Variants in IL6ST observed in about 807,000 individuals in gnomAD.
The protein encoded by IL6ST is interleukin 6 cytokine family signal transducer.
Under a neutral mutation model 91.3 loss-of-function variants are expected in IL6ST, and 24 were observed. That is an observed-to-expected ratio of 0.26 (90% confidence interval 0.19 to 0.37). The LOEUF is 0.37. Ranked by LOEUF, IL6ST falls within the 10% of genes least tolerant of loss-of-function variation. IL6ST has a pLI of 1.00. For synonymous variants in IL6ST, 351 were observed against 373.6 expected (o/e 0.94, Z 0.70); for missense variants, 914 against 1,078.5 (o/e 0.85, Z 2.14).
chr5:55,983,556 A>T (rs1753787273), intron 1 of IL6ST, among the ~76,000 whole-genome samples: 1 of 152,254 alleles, frequency 6.6e-6, no homozygotes, highest in South Asian at 2.1e-4. Context: ...AAATACAACA[A>T]GTAACTTCAA....
At chr5:55,969,414 T>A (rs1752827142) in intron 4 of IL6ST, 136 bp downstream of exon 4, 2 of 606,162 alleles carry the variant, frequency 3.3e-6, no homozygotes, top group East Asian at 5.6e-5. Context: ...ACTTCTAAGC[T>A]TATTTTTTAA....
In IL6ST at chr5:55,972,924, G is replaced by A. The variant is rs377048355; in HGVS notation, c.65-3069C>T. ...GGAGGCTGAGGCAGGAGAATTGCTT[G>A]AACCTGGGGGGCAGAGGTTGCAGTG... On this transcript the variant is annotated intron_variant, in intron 3 of 16. Transcript: ENST00000381298. 2.3e-4 allele frequency among the ~76,000 whole-genome samples: 35 copies of A among 151,710 alleles called. No homozygotes were observed. The East Asian group carries it at 6.8e-3, about 30-fold the overall frequency.
At chr5:55,945,642 C>A (rs1216921572) in intron 15 of IL6ST, among the ~76,000 whole-genome samples, 2 of 98,014 alleles carry the variant, frequency 2.0e-5, no homozygotes, top group Admixed American at 2.4e-4. Flanking sequence ...AAATAAAAAA[C>A]TTATGCTTTT....
chr5:55,958,839 CA>C (rs58625180), intron 8 of IL6ST, among the ~76,000 whole-genome samples: 199 of 88,984 alleles, frequency 2.2e-3, no homozygotes, highest in Admixed American at 2.9e-3. Flanking sequence ...GCACTATTTC[CA>C]AAAAAAAAAA....
At chr5:55,979,342 G>A (rs1220934540) in intron 2 of IL6ST, among the ~76,000 whole-genome samples, 2 of 152,192 alleles carry the variant, frequency 1.3e-5, no homozygotes, top group South Asian at 2.1e-4. Context: ...GGTCAGAGCA[G>A]TTGTTTTTTG....
intron 2 of IL6ST, among the ~76,000 whole-genome samples, 178 bp downstream of exon 2, chr5:55,982,546 A>C (rs1387426444): frequency 6.6e-6 from 1 of 152,216 alleles, no homozygotes; most frequent in Non-Finnish European, 1.5e-5. Context: ...AGTATCAATT[A>C]TGAGTTCATA....
chr5:55,962,894 C>T (rs977512021), intron 7 of IL6ST, among the ~76,000 whole-genome samples: 9 of 152,068 alleles, frequency 5.9e-5, no homozygotes, highest in African/African-American at 1.7e-4. Context: ...GTAGGAGAAT[C>T]GCTTAAGGCC....
In IL6ST at chr5:55,936,132, T is replaced by G. The variant is rs1276725736; in HGVS notation, c.*4950A>C. ...TGAAGGCACATTAATAGTTGAGATT[T>G]TCTTTTCCTTCCAGGTGGACTTGCT... On this transcript the variant is annotated 3_prime_UTR_variant, in exon 17 of 17. Transcript: ENST00000381298. 3 of 227,840 alleles carry G rather than the reference T, an allele frequency of 1.3e-5. No individual in the cohort carries two copies. The highest frequency in any genetic ancestry group is 6.3e-5 in the East Asian group (1 of 15,906). 14.1% of individuals were successfully genotyped at this position (227,840 alleles called of 1,614,324 possible). A position where few individuals can be genotyped will look rare whatever the true frequency, so the allele number is the denominator to read the frequency against.
rs1219647723 is a variant in IL6ST at position 55,994,880 on chromosome 5, C to G, written c.-200G>C. 6.6e-6 allele frequency: 1 copy of G among 152,312 alleles called. No homozygotes were observed. Among genetic ancestry groups the G allele is most frequent in the African/African-American group, 2.4e-5 (1 of 41,442 alleles). 9.4% of individuals were successfully genotyped at this position (152,312 alleles called of 1,614,324 possible). ...CCCGTCGGCCTGGCAGGCGCGGCCC[C>G]CGGTTCAGCTGCGCCGGGGCGGCCC... On this transcript the variant is annotated 5_prime_UTR_variant, in exon 1 of 17. Transcript: ENST00000381298.
At chr5:55,953,615 A>AC (rs1751777104) in intron 11 of IL6ST, among the ~76,000 whole-genome samples, 1 of 152,120 alleles carries the variant, frequency 6.6e-6, no homozygotes, top group Admixed American at 6.6e-5. Context: ...CGAACTCCCG[A>AC]CCTCAGGTGA....
At chr5:55,979,739 T>C (rs1264020278) in intron 2 of IL6ST, among the ~76,000 whole-genome samples, 1 of 152,218 alleles carries the variant, frequency 6.6e-6, no homozygotes, top group African/African-American at 2.4e-5. Flanking sequence ...AGTTCGGCAA[T>C]ATCAATCAAA....
chr5:55,947,290 AAGAC>A (rs1394403128), intron 15 of IL6ST, among the ~76,000 whole-genome samples, 199 bp downstream of exon 15: 2 of 152,176 alleles, frequency 1.3e-5, no homozygotes, highest in African/African-American at 4.8e-5. Flanking sequence ...GGCTGAGAAG[AAGAC>A]AGATTACAAA....
rs1754574698 is a variant in IL6ST at position 55,994,911 on chromosome 5, GA to G, written c.-232del. Reference sequence around the variant, plus strand: ...CAGCTGCGCCGGGGCGGCCCAGCGCGACTCCGCGGGCCTTTTGGCTGCTCGC... The same window carrying G: ...CAGCTGCGCCGGGGCGGCCCAGCGCGCTCCGCGGGCCTTTTGGCTGCTCGC... On this transcript the variant is annotated 5_prime_UTR_variant, in exon 1 of 17. Transcript: ENST00000381298. The G allele has an allele frequency of 6.6e-6, 1 of 152,238 alleles. No individual in the cohort carries two copies. Among genetic ancestry groups the G allele is most frequent in the Non-Finnish European group, 1.5e-5 (1 of 68,106 alleles). The allele number at this position is 152,238 out of a possible 1,614,324, so 9.4% of individuals were successfully genotyped here.
rs1264917743 is a variant in IL6ST, at chr5:55,942,680, G to C, written c.2009C>G (p.Thr670Ser). 2 of 1,588,176 alleles carry C rather than the reference G, an allele frequency of 1.3e-6. No homozygotes were observed. Among genetic ancestry groups the C allele is most frequent in the Non-Finnish European group, 1.7e-6 (2 of 1,157,640 alleles). ...KSHIAQWSPH[T>S]PPRHNFNSKD... ...AGCATTTTCTCTTACCCTTGGAGGAGTGTGAGGTGACCACTGGGCAATATG... is the reference window on the plus strand; with the variant it reads ...AGCATTTTCTCTTACCCTTGGAGGACTGTGAGGTGACCACTGGGCAATATG... Residue 670 changes from threonine to serine, a missense_variant, in exon 16 of 17, where the codon ACT (threonine) becomes AGT (serine). Coordinates refer to ENST00000381298, the MANE Select transcript of IL6ST (RefSeq NM_002184.4).
chr5:55,974,477 C>T (rs1055313111), intron 3 of IL6ST, among the ~76,000 whole-genome samples: 1 of 151,136 alleles, frequency 6.6e-6, no homozygotes, highest in African/African-American at 2.4e-5. Context: ...CAGGCATGTG[C>T]TACCAAGCTC....
At chr5:55,967,806 AT>A (rs1184487143) in intron 5 of IL6ST, among the ~76,000 whole-genome samples, 2 of 151,358 alleles carry the variant, frequency 1.3e-5, no homozygotes, top group Non-Finnish European at 2.9e-5. Flanking sequence ...TTATTTATTT[AT>A]TTTTTTTGAG....
rs1291162437 is a variant in IL6ST, at chr5:55,937,831, T to C, written c.*3251A>G. The C allele has an allele frequency of 1.5e-5, 3 of 195,128 alleles. No homozygotes were observed. The highest frequency in any genetic ancestry group is 3.2e-5 in the Non-Finnish European group (3 of 93,826). The allele number at this position is 195,128 out of a possible 1,614,324, so 12.1% of individuals were successfully genotyped here. A position where few individuals can be genotyped will look rare whatever the true frequency, so the allele number is the denominator to read the frequency against. On this transcript the variant is annotated 3_prime_UTR_variant, in exon 17 of 17. Transcript: ENST00000381298. ...AAAACTTTATTGAAACAAAAGTGTA[T>C]GGTTTAGGAATATGCTCTTAATAAC... is the stretch of plus-strand genomic sequence containing the variant.
chr5:55,958,523 T>C (rs190602998), intron 8 of IL6ST, among the ~76,000 whole-genome samples: 6 of 152,238 alleles, frequency 3.9e-5, no homozygotes, highest in Non-Finnish European at 7.4e-5. Context: ...GTCAGTAGAA[T>C]AAGACAGGAG....
chr5:55,987,308 T>C (rs1754029941), intron 1 of IL6ST, among the ~76,000 whole-genome samples: 1 of 152,204 alleles, frequency 6.6e-6, no homozygotes, highest in East Asian at 1.9e-4. Context: ...TAAATAGATT[T>C]GAAAACAAAA....
Sources: gnomAD v4.1 joint callset for allele counts (sites outside exome capture counted in the v4.1 genomes callset) on GRCh38, gnomAD v4.1.1 for gene constraint, MANE v1.5 for transcripts, NCBI Gene and HGNC (gene_info 2026-07-23, HGNC 2026-07-21) for gene names.